Variants in SLIT3 observed in about 807,000 individuals in gnomAD.
SLIT3 encodes slit homolog 3 protein.
A neutral mutation model predicts 184.0 loss-of-function variants in SLIT3; 68 were observed. The ratio of observed to expected loss-of-function variants is 0.37; its 90% CI spans 0.30 to 0.45. SLIT3 has a LOEUF of 0.45. Among genes scored for constraint, SLIT3 ranks in the 20% least tolerant of loss-of-function variants. The pLI, the probability that SLIT3 is intolerant of heterozygous loss-of-function variation, is 1.00. For synonymous variants in SLIT3, 831 were observed against 828.6 expected (o/e 1.00, Z -0.05); for missense variants, 1,707 against 2,026.0 (o/e 0.84, Z 3.02).
At chr5:168,835,214 A>G (rs1419781161) in intron 6 of SLIT3, among the ~76,000 whole-genome samples, 1 of 152,208 alleles carries the variant, frequency 6.6e-6, no homozygotes, top group Non-Finnish European at 1.5e-5. Flanking sequence ...TAAATTTTAC[A>G]TAAAATTACT....
At chr5:168,946,975 T>C (rs77279444) in intron 4 of SLIT3, among the ~76,000 whole-genome samples, 2,985 of 152,232 alleles carry the variant, frequency 0.02, 107 homozygotes, top group African/African-American at 0.068. Flanking sequence ...CACAATTAAA[T>C]GGTGAATGTA....
At chr5:168,670,708 T>A (rs565996171) in intron 34 of SLIT3, among the ~76,000 whole-genome samples, 1 of 152,322 alleles carries the variant, frequency 6.6e-6, no homozygotes, top group Admixed American at 6.5e-5. Flanking sequence ...GGTGTTAGTT[T>A]TGGCTGATTC....
At chr5:169,055,834 GA>G (rs201756362) in intron 4 of SLIT3, among the ~76,000 whole-genome samples, 2,814 of 141,516 alleles carry the variant, frequency 0.02, 101 homozygotes, top group Admixed American at 0.086. Flanking sequence ...TGTCTCGGAG[GA>G]AAAAAAAAAA....
chr5:169,094,484 G>A (rs539528820), intron 4 of SLIT3, among the ~76,000 whole-genome samples: 14 of 152,300 alleles, frequency 9.2e-5, no homozygotes, highest in Admixed American at 3.3e-4. Context: ...CAAAAAATTA[G>A]CCAGGCATGG....
rs146916702 is a variant in SLIT3 at position 169,264,334 on chromosome 5, C to T, written c.198-12875G>A. On this transcript the variant is annotated intron_variant, in intron 1 of 35. Coordinates refer to ENST00000519560, the MANE Select transcript of SLIT3 (RefSeq NM_003062.4). Reference sequence around the variant, plus strand: ...TCAGCCTCCCGAGTAGCTGGGATTACATGCATGTACCACCATGCCTGGCTA... The same window carrying T: ...TCAGCCTCCCGAGTAGCTGGGATTATATGCATGTACCACCATGCCTGGCTA... Among the ~76,000 whole-genome samples the T allele has an allele frequency of 9.9e-3, 1,503 of 152,252 alleles. 37 individuals carry two copies. Among genetic ancestry groups the T allele is most frequent in the African/African-American group, 0.034 (1,429 of 41,540 alleles).
chr5:169,099,736 G>A (rs1452180882), intron 4 of SLIT3, among the ~76,000 whole-genome samples: 4 of 152,214 alleles, frequency 2.6e-5, no homozygotes, highest in African/African-American at 9.6e-5. Context: ...TGCTCATGGT[G>A]TAGCTGGCGA....
At position 168,992,033 on chromosome 5, in the gene SLIT3, C is replaced by T. The variant is rs1262531227; in HGVS notation, c.414-108697G>A. On this transcript the variant is annotated intron_variant, in intron 4 of 35. Transcript: ENST00000519560. The stretch of plus-strand genomic sequence containing the variant: ...ATAAGAACTCAGTGTGTAAGTGGGA[C>T]CTGCCTCAGGCAAATTTTTCTAATT... 2.0e-5 allele frequency among the ~76,000 whole-genome samples: 3 copies of T among 152,216 alleles called. No homozygotes were observed. In the East Asian group the frequency reaches 5.8e-4, roughly 29 times the overall value.
chr5:168,994,828 A>G (rs1283832778), intron 4 of SLIT3, among the ~76,000 whole-genome samples: 2 of 150,662 alleles, frequency 1.3e-5, no homozygotes. Flanking sequence ...TTTTTCTAGA[A>G]ACGGGGTTTC....
Position 168,841,714 on chromosome 5 carries a change from G to A in SLIT3, c.557+2870C>T, listed in dbSNP as rs376494507. On this transcript the variant is annotated intron_variant, in intron 6 of 35. Coordinates refer to ENST00000519560, the MANE Select transcript of SLIT3 (RefSeq NM_003062.4). Reference sequence around the variant, plus strand: ...AAGTTTTATGGTATTTCCATCCACAGGAGGGATGGAATAACAGGGTTATTG... The same window carrying A: ...AAGTTTTATGGTATTTCCATCCACAAGAGGGATGGAATAACAGGGTTATTG... Among the ~76,000 whole-genome samples, 5 of 152,306 alleles carry A rather than the reference G, an allele frequency of 3.3e-5. No homozygotes were observed. The South Asian group carries it at 1.0e-3, about 32-fold the overall frequency.
chr5:169,270,368 C>T (rs1336503075), intron 1 of SLIT3, among the ~76,000 whole-genome samples: 1 of 152,034 alleles, frequency 6.6e-6, no homozygotes, highest in African/African-American at 2.4e-5. Context: ...CGGCCCACTG[C>T]CTGTTTTCAT....
chr5:169,260,930 C>A (rs1766149820), intron 1 of SLIT3, among the ~76,000 whole-genome samples: 1 of 152,150 alleles, frequency 6.6e-6, no homozygotes, highest in Non-Finnish European at 1.5e-5. Flanking sequence ...CTTTAAAGGC[C>A]AGATAGTAAA....
intron 5 of SLIT3, among the ~76,000 whole-genome samples, chr5:168,850,418 G>A (rs2113726076): frequency 6.6e-6 from 1 of 152,262 alleles, no homozygotes; most frequent in East Asian, 1.9e-4. Flanking sequence ...CAACTCTTAT[G>A]CCTATTTTTC....
At position 168,665,327 on chromosome 5, in the gene SLIT3, T is replaced by C. The variant is rs1760999755; in HGVS notation, c.*1127A>G. 1 of 152,160 alleles carries C rather than the reference T, an allele frequency of 6.6e-6. No homozygotes were observed. Among genetic ancestry groups the C allele is most frequent in the Non-Finnish European group, 1.5e-5 (1 of 68,058 alleles). 9.4% of individuals were successfully genotyped at this position (152,160 alleles called of 1,614,324 possible). On this transcript the variant is annotated 3_prime_UTR_variant, in exon 36 of 36. Coordinates refer to ENST00000519560, the MANE Select transcript of SLIT3 (RefSeq NM_003062.4). ...CATGCTGGTGACCTGGAGGATCAGG[T>C]GGCAGAGGCCTGTCTTACAACAAGA... is the stretch of plus-strand genomic sequence containing the variant.
chr5:168,717,445 G>T (rs978912283), intron 23 of SLIT3, among the ~76,000 whole-genome samples: 2 of 151,828 alleles, frequency 1.3e-5, no homozygotes, highest in African/African-American at 4.9e-5. Context: ...TATCCCCATG[G>T]CTCTTCTTTC....
At chr5:168,960,215 T>C (rs1363182812) in intron 4 of SLIT3, among the ~76,000 whole-genome samples, 1 of 152,220 alleles carries the variant, frequency 6.6e-6, no homozygotes, top group Non-Finnish European at 1.5e-5. Context: ...GCGTACTGCA[T>C]GGCAGGTAAT....
chr5:168,894,636 C>CTAAA (rs1760598341), intron 4 of SLIT3, among the ~76,000 whole-genome samples: 3 of 152,096 alleles, frequency 2.0e-5, no homozygotes, highest in African/African-American at 7.2e-5. Flanking sequence ...TAAGCTGAGG[C>CTAAA]GTGGGAATGA....
At chr5:168,860,545 C>G (rs1759065502) in intron 5 of SLIT3, among the ~76,000 whole-genome samples, 1 of 152,040 alleles carries the variant, frequency 6.6e-6, no homozygotes, top group Admixed American at 6.5e-5. Context: ...GGGTTCTTGG[C>G]AGGGGAGAGA....
intron 26 of SLIT3, among the ~76,000 whole-genome samples, chr5:168,703,354 G>A (rs973900783): frequency 2.6e-5 from 4 of 151,394 alleles, no homozygotes; most frequent in Admixed American, 1.3e-4. Flanking sequence ...GACTGGTACC[G>A]GTCCCCGTTA....
intron 4 of SLIT3, among the ~76,000 whole-genome samples, chr5:169,002,255 G>T (rs981607868): frequency 2.8e-5 from 4 of 142,868 alleles, no homozygotes; most frequent in Non-Finnish European, 4.5e-5. Flanking sequence ...CTGGGAGGTG[G>T]AGGTTGCAGT....
Sources: gnomAD v4.1 joint callset for allele counts (sites outside exome capture counted in the v4.1 genomes callset) on GRCh38, gnomAD v4.1.1 for gene constraint, MANE v1.5 for transcripts, NCBI Gene and HGNC (gene_info 2026-07-23, HGNC 2026-07-21) for gene names.